Variants in LCORL observed in about 807,000 individuals in gnomAD.
LCORL encodes ligand-dependent nuclear receptor corepressor-like protein.
A neutral mutation model predicts 141.8 loss-of-function variants in LCORL; 41 were observed. That is an observed-to-expected ratio of 0.29 (90% CI 0.23 to 0.38). The LOEUF is 0.38. Ranked by LOEUF, LCORL falls within the 10% of genes least tolerant of loss-of-function variation. The probability of loss-of-function intolerance (pLI) is 1.00; values close to 1 mark genes in which losing one functional copy is unlikely to be tolerated. For missense variants in LCORL, 1,759 were observed against 2,035.0 expected (o/e 0.86, Z 2.61); for synonymous variants, 618 against 694.1 (o/e 0.89, Z 1.72).
intron 6 of LCORL, 56 bp downstream of exon 6, chr4:17,886,012 C>T: frequency 1.0e-6 from 1 of 984,934 alleles, no homozygotes; most frequent in Non-Finnish European, 1.5e-6. Context: ...ATTAAGAGTT[C>T]TCTGCAGAGA....
At chr4:17,967,213 T>C (rs1372244632) in intron 2 of LCORL, among the ~76,000 whole-genome samples, 1 of 152,108 alleles carries the variant, frequency 6.6e-6, no homozygotes, top group Non-Finnish European at 1.5e-5. Flanking sequence ...AACAAAACTT[T>C]AGAGACCATA....
intron 4 of LCORL, among the ~76,000 whole-genome samples, chr4:17,915,526 A>C (rs1733256694): frequency 6.6e-6 from 1 of 152,222 alleles, no homozygotes; most frequent in Non-Finnish European, 1.5e-5. Flanking sequence ...GGTAGGTGTC[A>C]CTTTCAAACC....
intron 7 of LCORL, among the ~76,000 whole-genome samples, chr4:17,868,698 G>T (rs1474834800): frequency 6.6e-6 from 1 of 152,048 alleles, no homozygotes; most frequent in Non-Finnish European, 1.5e-5. Flanking sequence ...TATTAGAAAA[G>T]ATTCTCTAGA....
chr4:17,855,508 C>G (rs148041824), intron 7 of LCORL, among the ~76,000 whole-genome samples: 1 of 152,228 alleles, frequency 6.6e-6, no homozygotes, highest in African/African-American at 2.4e-5. Context: ...GATATACTAT[C>G]AATATCAAAT....
intron 4 of LCORL, among the ~76,000 whole-genome samples, chr4:17,954,938 A>G (rs1712292181): frequency 6.6e-6 from 1 of 152,198 alleles, no homozygotes; most frequent in Non-Finnish European, 1.5e-5. Flanking sequence ...ATTATCAACT[A>G]GGCAGTTAAA....
chr4:17,917,024 T>A (rs1733551833), intron 4 of LCORL, among the ~76,000 whole-genome samples: 1 of 152,170 alleles, frequency 6.6e-6, no homozygotes, highest in African/African-American at 2.4e-5. Context: ...TCACCCAGGC[T>A]GGGGTGCAAT....
At chr4:17,932,589 A>C (rs1488552773) in intron 4 of LCORL, among the ~76,000 whole-genome samples, 1 of 152,146 alleles carries the variant, frequency 6.6e-6, no homozygotes, top group African/African-American at 2.4e-5. Flanking sequence ...CAATGCTCAC[A>C]ATCACTCCTT....
At chr4:17,870,158 TA>T (rs1366289843) in intron 7 of LCORL, among the ~76,000 whole-genome samples, 1 of 152,032 alleles carries the variant, frequency 6.6e-6, no homozygotes, top group Non-Finnish European at 1.5e-5. Context: ...TGCTCTTTTT[TA>T]AAAAAAATTT....
intron 1 of LCORL, among the ~76,000 whole-genome samples, chr4:17,994,895 ATGCCTGGT>A: frequency 6.6e-6 from 1 of 152,246 alleles, no homozygotes; most frequent in East Asian, 1.9e-4. Context: ...TGCTAGCCCA[ATGCCTGGT>A]CCATGCTAGG....
intron 4 of LCORL, among the ~76,000 whole-genome samples, chr4:17,955,889 G>A (rs1193446158): frequency 3.3e-5 from 5 of 152,070 alleles, no homozygotes; most frequent in Non-Finnish European, 7.4e-5. Context: ...AAATCATGAG[G>A]AGATAGTCAA....
At chr4:17,938,578 G>A (rs1158114093) in intron 4 of LCORL, among the ~76,000 whole-genome samples, 6 of 150,962 alleles carry the variant, frequency 4.0e-5, no homozygotes, top group Non-Finnish European at 5.9e-5. Flanking sequence ...CACCACACCC[G>A]GCTAATTTTG....
chr4:17,858,036 AATAG>A (rs1264507820), intron 7 of LCORL, among the ~76,000 whole-genome samples: 9 of 152,312 alleles, frequency 5.9e-5, no homozygotes, highest in East Asian at 1.9e-4. Context: ...TCATTAAAGA[AATAG>A]ATAAATAAAT....
intron 1 of LCORL, among the ~76,000 whole-genome samples, chr4:18,013,088 T>C (rs191581756): frequency 5.3e-5 from 8 of 152,280 alleles, no homozygotes; most frequent in Admixed American, 5.2e-4. Context: ...CCAAAAACAA[T>C]GTACACTTCC....
intron 4 of LCORL, among the ~76,000 whole-genome samples, chr4:17,909,700 T>C (rs1015999263): frequency 6.6e-6 from 1 of 152,168 alleles, no homozygotes; most frequent in East Asian, 1.9e-4. Flanking sequence ...TATGTGAATA[T>C]AAATTGTATA....
chr4:17,988,466 T>C (rs1376301189), intron 1 of LCORL, among the ~76,000 whole-genome samples: 1 of 152,070 alleles, frequency 6.6e-6, no homozygotes, highest in African/African-American at 2.4e-5. Context: ...AGAGACTAGG[T>C]TTCGCTATGT....
chr4:17,849,777 CTACTT>C (rs960467733), intron 7 of LCORL, among the ~76,000 whole-genome samples: 6 of 152,062 alleles, frequency 3.9e-5, no homozygotes, highest in African/African-American at 7.2e-5. Flanking sequence ...TTGGAAAAAA[CTACTT>C]TAAAGTTCAT....
At chr4:17,893,673 T>C (rs1373450116) in intron 5 of LCORL, 1 of 742,720 alleles carries the variant, frequency 1.3e-6, no homozygotes, top group Non-Finnish European at 1.6e-6. Flanking sequence ...TATCTTCTAA[T>C]GCATAATTTG....
intron 7 of LCORL, among the ~76,000 whole-genome samples, chr4:17,854,457 C>T (rs1183181602): frequency 6.6e-6 from 1 of 152,128 alleles, no homozygotes; most frequent in African/African-American, 2.4e-5. Flanking sequence ...TTTGTTTCTG[C>T]ATTGAACCAT....
intron 5 of LCORL, among the ~76,000 whole-genome samples, chr4:17,897,783 G>A (rs572772682): frequency 6.6e-6 from 1 of 152,138 alleles, no homozygotes; most frequent in South Asian, 2.1e-4. Flanking sequence ...TCGTCTTTGG[G>A]CTTCCTTGCC....
Sources: allele counts gnomAD v4.1 joint callset (sites outside exome capture counted in the v4.1 genomes callset), GRCh38; gene constraint gnomAD v4.1.1; transcripts MANE v1.5; gene names NCBI Gene and HGNC (gene_info 2026-07-23, HGNC 2026-07-21).